Variants in CUL2 observed in about 807,000 individuals in gnomAD.
CUL2 encodes cullin 2.
A neutral mutation model predicts 110.2 loss-of-function variants in CUL2; 22 were observed. The observed-to-expected ratio is 0.20, with a 90% CI of 0.14 to 0.28. The LOEUF (loss-of-function observed/expected upper bound fraction) is 0.28. CUL2 is among the 10% of genes least tolerant of loss of function. The pLI, the probability that CUL2 is intolerant of heterozygous loss-of-function variation, is 1.00. For missense variants in CUL2, 631 were observed against 905.5 expected (o/e 0.70, Z 3.89); for synonymous variants, 279 against 293.2 (o/e 0.95, Z 0.49).
intron 1 of CUL2, among the ~76,000 whole-genome samples, chr10:35,081,998 G>A (rs184869021): frequency 1.3e-5 from 2 of 152,090 alleles, no homozygotes; most frequent in East Asian, 3.9e-4. Context: ...GACACCTCCT[G>A]TTTACAATCC....
chr10:35,017,034 GAGA>G (rs1405534624), intron 17 of CUL2, among the ~76,000 whole-genome samples: 2 of 152,142 alleles, frequency 1.3e-5, no homozygotes, highest in East Asian at 3.9e-4. Flanking sequence ...AAGGAGGTGG[GAGA>G]AGGAGAAATG....
At position 35,110,067 on chromosome 10, in the gene CUL2, C is replaced by T. The variant is rs567427167; in HGVS notation, c.-50-9007G>A. On this transcript the variant is annotated intron_variant, in intron 1 of 5. Transcript: ENST00000685421. The stretch of plus-strand genomic sequence containing the variant: ...TTGCACACCTGTGGTCTCAGCTACT[C>T]GGGAGGCTGAGTTAGGAGGATCACT... Among the ~76,000 whole-genome samples, 39 of 151,988 alleles carry T rather than the reference C, an allele frequency of 2.6e-4. 1 individual carries two copies. The highest frequency in any genetic ancestry group is 2.3e-3 in the South Asian group (11 of 4,816).
chr10:35,105,826 G>GAAAAAAAAAAAAA, intron 1 of CUL2, among the ~76,000 whole-genome samples: 1 of 139,328 alleles, frequency 7.2e-6, no homozygotes, highest in Non-Finnish European at 1.6e-5. Context: ...GCAATGTCCT[G>GAAAAAAAAAAAAA]AAAAAAAAAA....
intron 1 of CUL2, chr10:35,120,018 C>T (rs188173203): frequency 2.2e-4 from 34 of 152,264 alleles, no homozygotes; most frequent in African/African-American, 7.9e-4. Context: ...ACGTTTGGCC[C>T]CAATTTCTTT....
chr10:35,057,938 A>G (rs963008808), intron 4 of CUL2, among the ~76,000 whole-genome samples: 4 of 151,886 alleles, frequency 2.6e-5, no homozygotes, highest in Non-Finnish European at 5.9e-5. Context: ...TACTAAAAAA[A>G]AATACAAAAA....
At chr10:35,049,591 G>T in intron 6 of CUL2, 92 bp downstream of exon 6, 1 of 966,146 alleles carries the variant, frequency 1.0e-6, no homozygotes, top group Non-Finnish European at 1.6e-6. Context: ...CAGCCCCAAG[G>T]CTAGTCACTG....
intron 1 of CUL2, among the ~76,000 whole-genome samples, chr10:35,114,335 G>A (rs368023611): frequency 6.6e-6 from 1 of 151,986 alleles, no homozygotes; most frequent in African/African-American, 2.4e-5. Flanking sequence ...CAAGTGCTGG[G>A]ATTACAGGTG....
chr10:35,017,547 C>T (rs888335559), intron 17 of CUL2, among the ~76,000 whole-genome samples: 3 of 151,824 alleles, frequency 2.0e-5, no homozygotes, highest in African/African-American at 7.3e-5. Context: ...TACAAAAATT[C>T]GCCGGGCATG....
intron 1 of CUL2, among the ~76,000 whole-genome samples, chr10:35,112,032 C>G (rs2087529665): frequency 6.6e-6 from 1 of 152,172 alleles, no homozygotes; most frequent in Non-Finnish European, 1.5e-5. Flanking sequence ...GGCCTCATTA[C>G]TCCTTGTATA....
intron 6 of CUL2, among the ~76,000 whole-genome samples, chr10:35,045,085 A>G (rs529345817): frequency 1.3e-5 from 2 of 152,316 alleles, no homozygotes; most frequent in East Asian, 3.9e-4. Context: ...TGTCATTTCA[A>G]GAAATAAAAA....
chr10:35,036,427 A>C (rs1381219061), intron 9 of CUL2, among the ~76,000 whole-genome samples: 3 of 152,188 alleles, frequency 2.0e-5, no homozygotes, highest in Non-Finnish European at 4.4e-5. Flanking sequence ...ATATATGTCC[A>C]GGCATTGGCA....
chr10:35,117,722 T>G (rs1352664751), intron 1 of CUL2, among the ~76,000 whole-genome samples: 2 of 152,320 alleles, frequency 1.3e-5, no homozygotes, highest in Admixed American at 1.3e-4. Context: ...TCCTATTATG[T>G]GGAACCTATT....
chr10:35,068,109 CA>C (rs35151461), intron 2 of CUL2, among the ~76,000 whole-genome samples: 41,366 of 93,492 alleles, frequency 0.44, 5,415 homozygotes, highest in African/African-American at 0.47. Flanking sequence ...GACTCCGTCT[CA>C]AAAAAAAAAA....
At chr10:35,054,000 T>G (rs974975732) in intron 5 of CUL2, among the ~76,000 whole-genome samples, 2 of 152,194 alleles carry the variant, frequency 1.3e-5, no homozygotes, top group African/African-American at 4.8e-5. Flanking sequence ...CTCAAGAACT[T>G]GAATGGACCA....
intron 9 of CUL2, among the ~76,000 whole-genome samples, chr10:35,037,209 A>G (rs566555384): frequency 6.6e-5 from 10 of 152,298 alleles, no homozygotes; most frequent in Admixed American, 6.5e-4. Context: ...TGGTATCTTG[A>G]GGTAGTGATC....
intron 1 of CUL2, among the ~76,000 whole-genome samples, chr10:35,085,547 A>C (rs550790744): frequency 6.6e-5 from 10 of 151,912 alleles, no homozygotes; most frequent in Admixed American, 2.6e-4. Flanking sequence ...GATCAAGACC[A>C]TCCTGGCTAA....
chr10:35,034,485 C>T (rs565402112), intron 10 of CUL2, among the ~76,000 whole-genome samples: 35 of 152,294 alleles, frequency 2.3e-4, no homozygotes, highest in African/African-American at 8.2e-4. Context: ...TGAACAGTGA[C>T]GTCTATACAC....
chr10:35,110,641 T>C (rs2087513318), intron 1 of CUL2, among the ~76,000 whole-genome samples: 5 of 152,142 alleles, frequency 3.3e-5, no homozygotes, highest in Admixed American at 6.5e-5. Flanking sequence ...AAGATGCTGG[T>C]AGGGTTGGTT....
chr10:35,035,128 G>T, intron 10 of CUL2, 44 bp downstream of exon 10: 1 of 1,611,042 alleles, frequency 6.2e-7, no homozygotes, highest in Non-Finnish European at 8.5e-7. Context: ...CTCCACGCTG[G>T]ATCTGATTAG....
Sources: allele counts gnomAD v4.1 joint callset (sites outside exome capture counted in the v4.1 genomes callset), GRCh38; gene constraint gnomAD v4.1.1; transcripts MANE v1.5; gene names NCBI Gene and HGNC (gene_info 2026-07-23, HGNC 2026-07-21).